Variants in BLTP1 observed in about 807,000 individuals in gnomAD.
BLTP1 encodes bridge-like lipid transfer protein family member 1.
the BLTP1 span, chr4:122,207,360 C>T: frequency 1.4e-6 from 2 of 1,379,406 alleles, no homozygotes; most frequent in African/African-American, 1.5e-5. Flanking sequence ...TTAACAGATA[C>T]TAGAAGTTAT....
At chr4:122,310,914 A>C in the BLTP1 span, 1 of 939,246 alleles carries the variant, frequency 1.1e-6, no homozygotes. Flanking sequence ...TATCCAAAAG[A>C]CCAGTATCAG....
At chr4:122,254,324 T>G in the BLTP1 span, 1 of 1,610,314 alleles carries the variant, frequency 6.2e-7, no homozygotes, top group Non-Finnish European at 8.5e-7. Flanking sequence ...CAATGTGAGA[T>G]CTCACACACA....
the BLTP1 span, among the ~76,000 whole-genome samples, chr4:122,217,367 AT>A: frequency 0.021 from 3,029 of 141,698 alleles, 46 homozygotes; most frequent in African/African-American, 0.043. Flanking sequence ...GAATTTTAGG[AT>A]TTTTTTTTTT....
chr4:122,159,324 G>A, the BLTP1 span, among the ~76,000 whole-genome samples: 8 of 151,924 alleles, frequency 5.3e-5, no homozygotes, highest in South Asian at 2.1e-4. Context: ...TTAGCCGGGC[G>A]TGGTGGCAGG....
chr4:122,227,195 A>G, the BLTP1 span: 81 of 1,007,928 alleles, frequency 8.0e-5, no homozygotes, highest in African/African-American at 1.2e-3. Flanking sequence ...TTCACATGAC[A>G]TGGTTTGCAG....
the BLTP1 span, chr4:122,334,582 T>A: frequency 1.9e-6 from 3 of 1,591,734 alleles, no homozygotes; most frequent in Admixed American, 1.8e-5. Context: ...TTTGTCATTT[T>A]AAAAATTTTT....
the BLTP1 span, among the ~76,000 whole-genome samples, chr4:122,338,642 C>T: frequency 2.0e-5 from 3 of 151,978 alleles, no homozygotes; most frequent in Admixed American, 6.6e-5. Flanking sequence ...CCATGTATAC[C>T]GAAATCCACA....
chr4:122,181,328 T>C, the BLTP1 span: 1 of 461,238 alleles, frequency 2.2e-6, no homozygotes, highest in Non-Finnish European at 2.8e-6. Flanking sequence ...CTCCTCTTTT[T>C]TCCTGATAGA....
At chr4:122,282,641 CA>C in the BLTP1 span, among the ~76,000 whole-genome samples, 2 of 149,894 alleles carry the variant, frequency 1.3e-5, no homozygotes, top group African/African-American at 2.5e-5. Context: ...GACTTCATCT[CA>C]AAAAAAAAGG....
At chr4:122,359,927 T>C in the BLTP1 span, 2 of 985,424 alleles carry the variant, frequency 2.0e-6, no homozygotes, top group Non-Finnish European at 2.4e-6. Flanking sequence ...ATGTTGAGAA[T>C]AGCTCAGCAC....
the BLTP1 span, chr4:122,356,752 A>G: frequency 1.2e-6 from 2 of 1,609,552 alleles, no homozygotes; most frequent in Admixed American, 3.4e-5. Flanking sequence ...AGAAAAAGAA[A>G]AAGGTGGGTG....
At chr4:122,201,210 T>C in the BLTP1 span, 4 of 1,062,860 alleles carry the variant, frequency 3.8e-6, no homozygotes, top group Non-Finnish European at 5.4e-6. Flanking sequence ...TTAAATTACA[T>C]AGGGATATGA....
chr4:122,198,402 T>G, the BLTP1 span: 1 of 985,344 alleles, frequency 1.0e-6, no homozygotes, highest in Non-Finnish European at 1.2e-6. Flanking sequence ...TTTACAGGTG[T>G]ATGATGGGGT....
chr4:122,246,760 C>A, the BLTP1 span: 1 of 1,613,072 alleles, frequency 6.2e-7, no homozygotes. Context: ...CTCATGTTTC[C>A]CTAGTGGCAT....
the BLTP1 span, chr4:122,273,543 A>G: frequency 2.2e-5 from 11 of 503,880 alleles, no homozygotes; most frequent in Non-Finnish European, 2.8e-5. Context: ...AAGAATGACC[A>G]TACTCATTTA....
the BLTP1 span, chr4:122,356,064 A>AT: frequency 3.0e-5 from 32 of 1,061,046 alleles, no homozygotes; most frequent in South Asian, 1.2e-4. Context: ...GTTCCCATGG[A>AT]TTTTTTGTAA....
chr4:122,207,979 G>T, the BLTP1 span: 1 of 984,538 alleles, frequency 1.0e-6, no homozygotes, highest in African/African-American at 1.7e-5. Context: ...ATTCTTAATT[G>T]TAAACATGAA....
At chr4:122,352,801 C>T in the BLTP1 span, 1 of 1,413,040 alleles carries the variant, frequency 7.1e-7, no homozygotes, top group South Asian at 1.4e-5. Context: ...GTTTTCATCC[C>T]TCACCTGAGA....
At chr4:122,339,913 G>T in the BLTP1 span, among the ~76,000 whole-genome samples, 1 of 152,084 alleles carries the variant, frequency 6.6e-6, no homozygotes, top group Non-Finnish European at 1.5e-5. Context: ...TTTCATAAAG[G>T]TTTTGTTTTT....
Sources: allele counts gnomAD v4.1 joint callset (sites outside exome capture counted in the v4.1 genomes callset), GRCh38; gene constraint gnomAD v4.1.1; transcripts MANE v1.5; gene names NCBI Gene and HGNC (gene_info 2026-07-23, HGNC 2026-07-21).